Variants in INVS observed in about 807,000 individuals in gnomAD.
INVS encodes inversion of embryo turning homolog.
A neutral mutation model predicts 108.8 loss-of-function variants in INVS; 86 were observed. The ratio of observed to expected loss-of-function variants is 0.79; its 90% CI spans 0.66 to 0.95. INVS has a LOEUF of 0.95. Among genes scored for constraint, INVS ranks in the 40% least tolerant of loss-of-function variants. The probability of loss-of-function intolerance (pLI) is 0.00; values close to 1 mark genes in which losing one functional copy is unlikely to be tolerated. For synonymous variants in INVS, 455 were observed against 473.5 expected, an observed-to-expected ratio of 0.96 and a Z score of 0.51; for missense variants, 1,169 against 1,297.4, an observed-to-expected ratio of 0.90 and a Z score of 1.52.
chr9:100,200,631 C>G (rs1452354975), intron 3 of INVS, among the ~76,000 whole-genome samples: 1 of 152,150 alleles, frequency 6.6e-6, no homozygotes, highest in Non-Finnish European at 1.5e-5. Flanking sequence ...AAGTGGAACT[C>G]AAACTCCAAA....
rs59220543 is a variant in INVS, at chr9:100,261,299, T to C, written c.1465-3523T>C. 8.0e-3 allele frequency among the ~76,000 whole-genome samples: 1,184 copies of C among 147,750 alleles called. 11 individuals carry two copies. The highest frequency in any genetic ancestry group is 0.027 in the African/African-American group (1,080 of 39,848). On this transcript the variant is annotated intron_variant, in intron 10 of 16. Coordinates refer to ENST00000262457, the MANE Select transcript of INVS (RefSeq NM_014425.5). ...TTTTTTTTTTGAGACAGAGTCTCGC[T>C]CTGTCACCCAAGCTGGAGTGCACTG...
intron 1 of INVS, among the ~76,000 whole-genome samples, chr9:100,100,905 AT>A: frequency 4.8e-5 from 2 of 41,294 alleles, no homozygotes; most frequent in African/African-American, 3.4e-4. Context: ...TTATATATGT[AT>A]ATATATTATA....
At chr9:100,117,321 C>T (rs1383590897) in intron 2 of INVS, 5 of 730,318 alleles carry the variant, frequency 6.8e-6, no homozygotes, top group African/African-American at 3.4e-5. Flanking sequence ...TTCAAAATCT[C>T]GTCCTTGAGA....
At chr9:100,274,132 C>T (rs560720933) in intron 12 of INVS, among the ~76,000 whole-genome samples, 3 of 151,952 alleles carry the variant, frequency 2.0e-5, no homozygotes, top group South Asian at 2.1e-4. Flanking sequence ...CCAAGGCAGG[C>T]GGATCACTTG....
intron 11 of INVS, among the ~76,000 whole-genome samples, chr9:100,268,720 AT>A (rs954708289): frequency 1.8e-4 from 28 of 151,972 alleles, no homozygotes; most frequent in Admixed American, 1.7e-3. Context: ...ATAAAAATAT[AT>A]TTTTTTACAT....
intron 5 of INVS, among the ~76,000 whole-genome samples, chr9:100,232,268 T>C (rs1382659457): frequency 6.6e-6 from 1 of 152,144 alleles, no homozygotes; most frequent in Non-Finnish European, 1.5e-5. Context: ...GTCAGATGGA[T>C]AGATTGCAAA....
intron 10 of INVS, among the ~76,000 whole-genome samples, chr9:100,260,937 A>G (rs1456248951): frequency 1.3e-5 from 2 of 152,142 alleles, no homozygotes; most frequent in African/African-American, 4.8e-5. Flanking sequence ...AAAGCAACCA[A>G]TCGTTTATTA....
At chr9:100,190,437 A>G (rs985263033) in intron 3 of INVS, among the ~76,000 whole-genome samples, 1 of 152,022 alleles carries the variant, frequency 6.6e-6, no homozygotes, top group Non-Finnish European at 1.5e-5. Flanking sequence ...TGTTTTCTTC[A>G]TGTGTTATTG....
intron 10 of INVS, among the ~76,000 whole-genome samples, chr9:100,264,347 T>G (rs1832718146): frequency 6.6e-6 from 1 of 152,122 alleles, no homozygotes; most frequent in African/African-American, 2.4e-5. Context: ...GCCAGGCATG[T>G]TGGCTCACGC....
intron 5 of INVS, among the ~76,000 whole-genome samples, chr9:100,236,440 G>A (rs1226998526): frequency 6.6e-6 from 1 of 152,056 alleles, no homozygotes; most frequent in East Asian, 1.9e-4. Flanking sequence ...GAGGCATTCT[G>A]GTTTTTGGAA....
intron 2 of INVS, among the ~76,000 whole-genome samples, chr9:100,121,446 G>A (rs1414108530): frequency 6.6e-6 from 1 of 152,166 alleles, no homozygotes; most frequent in Non-Finnish European, 1.5e-5. Flanking sequence ...TATATCTTAA[G>A]TGGACTTTGA....
intron 3 of INVS, among the ~76,000 whole-genome samples, chr9:100,159,520 T>C (rs1012231263): frequency 6.6e-6 from 1 of 152,184 alleles, no homozygotes; most frequent in Admixed American, 6.5e-5. Flanking sequence ...TCCTGGAACA[T>C]TGCTTTATTA....
chr9:100,131,891 A>T, intron 3 of INVS: 1 of 977,892 alleles, frequency 1.0e-6, no homozygotes, highest in Non-Finnish European at 1.2e-6. Flanking sequence ...CGCTGTTTCC[A>T]TGTTACTGAT....
At chr9:100,288,357 A>G (rs1202224521) in intron 13 of INVS, among the ~76,000 whole-genome samples, 1 of 152,098 alleles carries the variant, frequency 6.6e-6, no homozygotes. Flanking sequence ...GATTTGAACT[A>G]TGTCACCAGT....
rs148601487 is a variant in INVS, at chr9:100,297,037, G to A, written c.2907G>A (p.Leu969=). The A allele has an allele frequency of 1.2e-4, 192 of 1,613,764 alleles. No homozygotes were observed. Among genetic ancestry groups the A allele is most frequent in the Non-Finnish European group, 1.6e-4 (189 of 1,179,958 alleles). Residue 969 remains leucine (L), a synonymous_variant, in exon 15 of 17, where the codon CTG becomes CTA. Transcript: ENST00000262457. ...ALLLQVWRKE[L]ELKFPQTTAV... ...TCCTCCAGGTTTGGAGGAAGGAACT[G>A]GAACTAAAATTCCCCCAAACCACTG...
chr9:100,159,150 C>A (rs1169608513), intron 3 of INVS, among the ~76,000 whole-genome samples: 1 of 152,080 alleles, frequency 6.6e-6, no homozygotes, highest in Non-Finnish European at 1.5e-5. Flanking sequence ...TGGACTAAGA[C>A]AATCTACAAA....
chr9:100,176,765 G>C (rs996401678), intron 3 of INVS, among the ~76,000 whole-genome samples: 1 of 152,042 alleles, frequency 6.6e-6, no homozygotes, highest in African/African-American at 2.4e-5. Context: ...ATGAGCCACC[G>C]TGCCTGGCCT....
chr9:100,295,770 G>A (rs376176119), intron 14 of INVS, among the ~76,000 whole-genome samples: 20 of 152,330 alleles, frequency 1.3e-4, no homozygotes, highest in African/African-American at 4.8e-4. Context: ...GTGCTGCTGG[G>A]CCCACTGAGG....
intron 13 of INVS, among the ~76,000 whole-genome samples, chr9:100,285,631 C>T (rs902865404): frequency 6.6e-6 from 1 of 152,196 alleles, no homozygotes; most frequent in Non-Finnish European, 1.5e-5. Context: ...AAATTAGGCA[C>T]GAGCTTCCAA....
Sources: gnomAD v4.1 joint callset for allele counts (sites outside exome capture counted in the v4.1 genomes callset) on GRCh38, gnomAD v4.1.1 for gene constraint, MANE v1.5 for transcripts, NCBI Gene and HGNC (gene_info 2026-07-23, HGNC 2026-07-21) for gene names.